NLRP6: variants seen among roughly 807,000 people sequenced by gnomAD.
The protein encoded by NLRP6 is NLR family pyrin domain containing 6, also known as NACHT, LRR and PYD domains-containing protein 6.
Under a neutral mutation model 70.9 loss-of-function variants are expected in NLRP6, and 55 were observed. The ratio of observed to expected loss-of-function variants is 0.78; its 90% CI spans 0.62 to 0.97. The LOEUF (loss-of-function observed/expected upper bound fraction) is 0.97, where lower values mean the gene tolerates loss of function less well. NLRP6 is among the 50% of genes least tolerant of loss of function. The pLI, the probability that NLRP6 is intolerant of heterozygous loss-of-function variation, is 0.00. For synonymous variants in NLRP6, 652 were observed against 581.9 expected (o/e 1.12, Z -1.73); for missense variants, 1,241 against 1,238.3 (o/e 1.00, Z -0.03).
chr11:279,745 C>G, intron 2 of NLRP6, 89 bp from the exon 3 acceptor site: 4 of 1,430,062 alleles, frequency 2.8e-6, no homozygotes, highest in South Asian at 2.7e-5. Context: ...GGGGTAGGAC[C>G]CTGCGTGCTC....
Position 284,576 on chromosome 11 carries a change from C to T in NLRP6, c.2471C>T (p.Pro824Leu), listed in dbSNP as rs1383338825. 9.9e-6 allele frequency: 16 copies of T among 1,612,198 alleles called. No homozygotes were observed. In the Admixed American group the frequency reaches 1.0e-4, roughly 10 times the overall value. The change falls in exon 7 of 8, where the codon CCC becomes CTC. Residue 824 changes from proline (P) to leucine (L), a missense_variant. Pro to Leu is a moderately conservative substitution (Grantham distance 98). Transcript: ENST00000534750. The part of the protein sequence containing the change: ...TTLDLSGCQL[P>L]APMVTYLCAV... Reference sequence around the variant, plus strand: ...CTGGATCTCAGCGGCTGCCAACTGCCCGCCCCCATGGTGACCTACCTGTGT... The same window carrying T: ...CTGGATCTCAGCGGCTGCCAACTGCTCGCCCCCATGGTGACCTACCTGTGT...
In NLRP6 at chr11:281,057, CCTG is replaced by C; in HGVS notation, c.1325_1327del (p.Leu442del). On this transcript the variant is annotated inframe_deletion, in exon 4 of 8. Transcript: ENST00000534750. The stretch of plus-strand genomic sequence containing the variant: ...CCGACGGGCCCCGGTTGCAGGGCGA[CCTG>C]CGCAATCTGTGCCGCCTGGCCCGCG... 1 of 1,612,948 alleles carries C rather than the reference CCTG, an allele frequency of 6.2e-7. No individual in the cohort carries two copies. Among genetic ancestry groups the C allele is most frequent in the Non-Finnish European group, 8.5e-7 (1 of 1,179,924 alleles).
chr11:278,539 G>C lies in NLRP6; in HGVS notation c.-31G>C. 1.3e-6 allele frequency: 2 copies of C among 1,538,360 alleles called. No homozygotes were observed. Among genetic ancestry groups the C allele is most frequent in the Non-Finnish European group, 8.7e-7 (1 of 1,143,380 alleles). ...CCTCTCTGATCCCCACCTCTGCCCC[G>C]GAGTGCTAGACCCAGGGAGGAAGAG... On this transcript the variant is annotated 5_prime_UTR_variant, in exon 1 of 8. Transcript: ENST00000534750. This position sits in a 1 kb window ranked among gnomAD's most constrained non-coding sequence, Gnocchi z 4.7.
Position 281,598 on chromosome 11 carries a change from C to G in NLRP6, c.1864C>G (p.Leu622Val), listed in dbSNP as rs1008813460. ...GEEPNYPLELLYCLYETQEDA... is the reference protein window; with the variant it reads ...GEEPNYPLELVYCLYETQEDA... ...GGAGCCCAACTACCCACTGGAGTTG[C>G]TGTACTGCCTGTACGAGACGCAGGA... Residue 622 changes from leucine to valine, a missense_variant, in exon 4 of 8, where the codon CTG becomes GTG. Coordinates refer to ENST00000534750, the MANE Select transcript of NLRP6 (RefSeq NM_001276700.2). The G allele has an allele frequency of 1.9e-6, 3 of 1,611,170 alleles. No homozygotes were observed. The African/African-American group carries it at 4.0e-5, about 22-fold the overall frequency.
chr11:279,403 C>G lies in NLRP6; in HGVS notation c.106C>G (p.Arg36Gly). The G allele has an allele frequency of 7.4e-7, 1 of 1,352,730 alleles. No individual in the cohort carries two copies. Among genetic ancestry groups the G allele is most frequent in the Non-Finnish European group, 9.5e-7 (1 of 1,054,672 alleles). 83.8% of individuals were successfully genotyped at this position (1,352,730 alleles called of 1,614,324 possible). A position where few individuals can be genotyped will look rare whatever the true frequency, so the allele number is the denominator to read the frequency against. ...LEELSQEQLKRFRHKLRDVGP... is the reference protein window; with the variant it reads ...LEELSQEQLKGFRHKLRDVGP... ...GGAACTGAGCCAAGAGCAGCTGAAG[C>G]GCTTCCGCCACAAGCTGCGCGACGT... Residue 36 changes from arginine to glycine, a missense_variant, in exon 2 of 8, where the codon CGC becomes GGC. Transcript: ENST00000534750.
Position 280,218 on chromosome 11 carries a change from G to A in NLRP6, c.484G>A (p.Ala162Thr). The A allele has an allele frequency of 6.5e-7, 1 of 1,545,720 alleles. No homozygotes were observed. The highest frequency in any genetic ancestry group is 8.7e-7 in the Non-Finnish European group (1 of 1,145,444). Residue 162 changes from alanine (A) to threonine (T), a missense_variant, in exon 4 of 8, where the codon GCG (alanine) becomes ACG (threonine). Physicochemically the swap from Ala to Thr is moderately conservative, Grantham distance 58 (BLOSUM62 0). Coordinates refer to ENST00000534750, the MANE Select transcript of NLRP6 (RefSeq NM_001276700.2). ...IAPESAAPEEAMGPAEEPEPG... is the reference protein window; with the variant it reads ...IAPESAAPEETMGPAEEPEPG... ...GCCCGAGAGCGCCGCCCCGGAGGAG[G>A]CGATGGGGCCCGCGGAAGAGCCTGA... is the stretch of plus-strand genomic sequence containing the variant.
At position 280,505 on chromosome 11, in the gene NLRP6, C is replaced by T. The variant is rs1845454946; in HGVS notation, c.771C>T (p.Cys257=). 1.3e-6 allele frequency: 2 copies of T among 1,576,732 alleles called. No homozygotes were observed. The highest frequency in any genetic ancestry group is 1.4e-5 in the African/African-American group (1 of 71,902). Reference sequence around the variant, plus strand: ...TGGCTGACCTGATCCTGGACCAGTGCCCCGACCGCGGCGCGCCGGTGCCGC... The same window carrying T: ...TGGCTGACCTGATCCTGGACCAGTGTCCCGACCGCGGCGCGCCGGTGCCGC... ...RSLADLILDQ[C]PDRGAPVPQM... is the part of the protein sequence containing the mutation. Residue 257 remains cysteine, a synonymous_variant, in exon 4 of 8, where the codon TGC becomes TGT. Transcript: ENST00000534750.
Position 281,059 on chromosome 11 carries a change from T to A in NLRP6, c.1325T>A (p.Leu442Gln). 1 of 1,612,930 alleles carries A rather than the reference T, an allele frequency of 6.2e-7. No individual in the cohort carries two copies. Among genetic ancestry groups the A allele is most frequent in the Non-Finnish European group, 8.5e-7 (1 of 1,179,920 alleles). Reference sequence around the variant, plus strand: ...GACGGGCCCCGGTTGCAGGGCGACCTGCGCAATCTGTGCCGCCTGGCCCGC... The same window carrying A: ...GACGGGCCCCGGTTGCAGGGCGACCAGCGCAATCTGTGCCGCCTGGCCCGC... ...VADGPRLQGD[L>Q]RNLCRLAREG... Residue 442 changes from leucine to glutamine, a missense_variant, in exon 4 of 8, where the codon CTG becomes CAG. By Grantham distance (113) the Leu-to-Gln change is moderately radical. Coordinates refer to ENST00000534750, the MANE Select transcript of NLRP6 (RefSeq NM_001276700.2).
Position 283,311 on chromosome 11 carries a change from CTT to C in NLRP6, c.2198+533_2198+534del, listed in dbSNP as rs34619806. Among the ~76,000 whole-genome samples, 20 of 115,420 alleles carry C rather than the reference CTT, an allele frequency of 1.7e-4. No homozygotes were observed. In the East Asian group the frequency reaches 1.9e-3, roughly 11 times the overall value. The allele number at this position is 115,420 out of a possible 152,430, so 75.7% of individuals were successfully genotyped here. A position where few individuals can be genotyped will look rare whatever the true frequency, so the allele number is the denominator to read the frequency against. On this transcript the variant is annotated intron_variant, in intron 5 of 7. Coordinates refer to ENST00000534750, the MANE Select transcript of NLRP6 (RefSeq NM_001276700.2). ...TTAATGTGGCTACACATGTACAGTTCTTTTTTTTTTTTTTTTTTTTGAGACGG... is the reference window on the plus strand; with the variant it reads ...TTAATGTGGCTACACATGTACAGTTCTTTTTTTTTTTTTTTTTTGAGACGG...
chr11:278,492 A>G lies in NLRP6; in HGVS notation c.-78A>G. The G allele has an allele frequency of 7.9e-7, 1 of 1,272,658 alleles. No homozygotes were observed. The highest frequency in any genetic ancestry group is 1.6e-5 in the South Asian group (1 of 61,788). 78.8% of individuals were successfully genotyped at this position (1,272,658 alleles called of 1,614,324 possible). ...TGGACAACCTCTAAGACTTGGCTCC[A>G]GCTCAGCCTGTGAAGGAATCACCTC... On this transcript the variant is annotated 5_prime_UTR_variant, in exon 1 of 8. Coordinates refer to ENST00000534750, the MANE Select transcript of NLRP6 (RefSeq NM_001276700.2). This position sits in a 1 kb window ranked among gnomAD's most constrained non-coding sequence, Gnocchi z 4.7.
At chr11:284,724 A>G in intron 7 of NLRP6, 82 bp downstream of exon 7, 1 of 1,347,526 alleles carries the variant, frequency 7.4e-7, no homozygotes, top group Non-Finnish European at 1.0e-6. Flanking sequence ...CTCCCCCTGG[A>G]CCCTGAAGAG....
Position 280,244 on chromosome 11 carries a change from G to A in NLRP6, c.510G>A (p.Glu170=), listed in dbSNP as rs925488638. The change falls in exon 4 of 8, where the codon GAG becomes GAA. Residue 170 remains glutamate, a synonymous_variant. Transcript: ENST00000534750. The stretch of plus-strand genomic sequence containing the variant: ...CGATGGGGCCCGCGGAAGAGCCTGA[G>A]CCGGGGCGCGCGCGGCGCTCGGACA... ...EEAMGPAEEP[E]PGRARRSDTH... is the part of the protein sequence containing the mutation. 6.5e-7 allele frequency: 1 copy of A among 1,530,056 alleles called. No individual in the cohort carries two copies. The allele number at this position is 1,530,056 out of a possible 1,614,324, so 94.8% of individuals were successfully genotyped here.
In NLRP6 at chr11:281,417, C is replaced by G. The variant is rs777738152; in HGVS notation, c.1683C>G (p.Arg561=). The G allele has an allele frequency of 1.2e-6, 2 of 1,608,356 alleles. No individual in the cohort carries two copies. Among genetic ancestry groups the G allele is most frequent in the Non-Finnish European group, 1.7e-6 (2 of 1,177,712 alleles). The part of the protein sequence containing the change: ...LSAERMRDIE[R]HFGCMVSERV... ...CGGAGCGGATGCGCGACATCGAGCG[C>G]CACTTCGGCTGCATGGTTTCAGAGC... The change falls in exon 4 of 8, where the codon CGC becomes CGG. Residue 561 remains arginine, a synonymous_variant. Coordinates refer to ENST00000534750, the MANE Select transcript of NLRP6 (RefSeq NM_001276700.2).
chr11:281,416 G>C lies in NLRP6; in HGVS notation c.1682G>C (p.Arg561Pro). ...GCGGAGCGGATGCGCGACATCGAGCGCCACTTCGGCTGCATGGTTTCAGAG... is the reference window on the plus strand; with the variant it reads ...GCGGAGCGGATGCGCGACATCGAGCCCCACTTCGGCTGCATGGTTTCAGAG... ...LSAERMRDIE[R>P]HFGCMVSERV... is the part of the protein sequence containing the mutation. The change falls in exon 4 of 8, where the codon CGC becomes CCC. Residue 561 changes from arginine to proline, a missense_variant. Coordinates refer to ENST00000534750, the MANE Select transcript of NLRP6 (RefSeq NM_001276700.2). 2.5e-6 allele frequency: 4 copies of C among 1,608,136 alleles called. No homozygotes were observed. Among genetic ancestry groups the C allele is most frequent in the Non-Finnish European group, 3.4e-6 (4 of 1,177,558 alleles).
rs1421130934 is a variant in NLRP6, at chr11:280,503, T to C, written c.769T>C (p.Cys257Arg). ...CCTGGCTGACCTGATCCTGGACCAG[T>C]GCCCCGACCGCGGCGCGCCGGTGCC... ...RSLADLILDQ[C>R]PDRGAPVPQM... is the part of the protein sequence containing the mutation. Residue 257 changes from cysteine (C) to arginine (R), a missense_variant, in exon 4 of 8, where the codon TGC (cysteine) becomes CGC (arginine). Cys to Arg is a radical substitution (Grantham distance 180). Coordinates refer to ENST00000534750, the MANE Select transcript of NLRP6 (RefSeq NM_001276700.2). The C allele has an allele frequency of 6.3e-7, 1 of 1,577,320 alleles. No homozygotes were observed. Among genetic ancestry groups the C allele is most frequent in the Non-Finnish European group, 8.5e-7 (1 of 1,172,374 alleles).
chr11:284,608 C>T lies in NLRP6; in HGVS notation c.2503C>T (p.Leu835=). 1.2e-6 allele frequency: 2 copies of T among 1,610,580 alleles called. No individual in the cohort carries two copies. Among genetic ancestry groups the T allele is most frequent in the Non-Finnish European group, 1.7e-6 (2 of 1,179,696 alleles). ...CATGGTGACCTACCTGTGTGCAGTC[C>T]TGCAGCACCAGGGATGCGGCCTGCA... The part of the protein sequence containing the change: ...APMVTYLCAV[L]QHQGCGLQTL... Residue 835 remains leucine (L), a synonymous_variant, in exon 7 of 8, where the codon CTG becomes TTG. Coordinates refer to ENST00000534750, the MANE Select transcript of NLRP6 (RefSeq NM_001276700.2).
chr11:278,626 G>A lies in NLRP6; in HGVS notation c.29+28G>A. The A allele has an allele frequency of 6.4e-7, 1 of 1,569,734 alleles. No individual in the cohort carries two copies. Among genetic ancestry groups the A allele is most frequent in the Non-Finnish European group, 8.6e-7 (1 of 1,158,876 alleles). Reference sequence around the variant, plus strand: ...GAGTGCTGGCCCCAGGGTGGTCACTGGGAACCGGCTGGTCTCAGCCCTCTG... The same window carrying A: ...GAGTGCTGGCCCCAGGGTGGTCACTAGGAACCGGCTGGTCTCAGCCCTCTG... On this transcript the variant is annotated intron_variant, in intron 1 of 7. Transcript: ENST00000534750. This position sits in a 1 kb window ranked among gnomAD's most constrained non-coding sequence, Gnocchi z 4.7.
intron 7 of NLRP6, 119 bp from the exon 8 acceptor site, chr11:285,047 C>A: frequency 1.2e-6 from 1 of 811,944 alleles, no homozygotes. Context: ...CGCAGCCCGG[C>A]CACCCCCACG....
In NLRP6 at chr11:280,761, T is replaced by C. The variant is rs1845461395; in HGVS notation, c.1027T>C (p.Cys343Arg). The change falls in exon 4 of 8, where the codon TGC (cysteine) becomes CGC (arginine). Residue 343 changes from cysteine (C) to arginine (R), a missense_variant. Cys to Arg is a radical substitution (Grantham distance 180, BLOSUM62 -3). Transcript: ENST00000534750. Reference protein sequence around the residue: ...RLQGRLCSPQCAEVRGFSDKD... With the variant: ...RLQGRLCSPQRAEVRGFSDKD... ...GCAGGGCCGCCTGTGTTCCCCGCAG[T>C]GCGCCGAGGTGCGCGGCTTCTCCGA... The C allele has an allele frequency of 1.2e-6, 2 of 1,609,366 alleles. No homozygotes were observed. Among genetic ancestry groups the C allele is most frequent in the South Asian group, 1.1e-5 (1 of 90,664 alleles).
Sources: allele counts gnomAD v4.1 joint callset (sites outside exome capture counted in the v4.1 genomes callset), GRCh38; gene constraint gnomAD v4.1.1; non-coding constraint Gnocchi (gnomAD v3.1); transcripts MANE v1.5; gene names NCBI Gene and HGNC (gene_info 2026-07-23, HGNC 2026-07-21).